TBC1D32: variants seen among roughly 807,000 people sequenced by gnomAD.
The protein encoded by TBC1D32 is protein broad-minded.
TBC1D32 carries 151 observed loss-of-function variants against 170.3 expected under a neutral mutation model. That is an observed-to-expected ratio of 0.89 (90% CI 0.78 to 1.01). TBC1D32 has a LOEUF of 1.01. Ranked by LOEUF, TBC1D32 falls within the 50% of genes least tolerant of loss-of-function variation. The pLI, the probability that TBC1D32 is intolerant of heterozygous loss-of-function variation, is 0.00. For synonymous variants in TBC1D32, 498 were observed against 488.0 expected (o/e 1.02, Z -0.27); for missense variants, 1,464 against 1,457.1 (o/e 1.00, Z -0.08).
chr6:121,211,463 C>T (rs1467701522), intron 21 of TBC1D32, among the ~76,000 whole-genome samples: 2 of 152,108 alleles, frequency 1.3e-5, no homozygotes, highest in African/African-American at 4.8e-5. Context: ...TCCCTCACCC[C>T]TCTCCTATCC....
intron 31 of TBC1D32, among the ~76,000 whole-genome samples, chr6:121,088,201 C>T (rs932217311): frequency 1.3e-5 from 2 of 151,998 alleles, no homozygotes; most frequent in Non-Finnish European, 2.9e-5. Flanking sequence ...GCTATCCTCT[C>T]GCCTTGACCT....
At chr6:121,191,755 T>G in intron 22 of TBC1D32, among the ~76,000 whole-genome samples, 1 of 152,064 alleles carries the variant, frequency 6.6e-6, no homozygotes, top group East Asian at 1.9e-4. Context: ...GGTGTGTCTG[T>G]GAGGGTGTTG....
intron 21 of TBC1D32, among the ~76,000 whole-genome samples, chr6:121,219,810 T>G (rs1181320123): frequency 3.9e-5 from 6 of 152,262 alleles, no homozygotes; most frequent in Non-Finnish European, 8.8e-5. Flanking sequence ...TCTAACAGCA[T>G]GTGTTCACTT....
At chr6:121,156,271 T>C (rs1394502463) in intron 24 of TBC1D32, among the ~76,000 whole-genome samples, 2 of 151,994 alleles carry the variant, frequency 1.3e-5, no homozygotes, top group African/African-American at 4.8e-5. Context: ...CTTATCAATA[T>C]CCTATAGACT....
intron 24 of TBC1D32, among the ~76,000 whole-genome samples, chr6:121,135,527 G>C (rs1411534169): frequency 6.6e-6 from 1 of 152,108 alleles, no homozygotes; most frequent in Non-Finnish European, 1.5e-5. Flanking sequence ...TTTCTTCCTG[G>C]AGGTTTTGCT....
chr6:121,240,972 A>G (rs535160767), intron 19 of TBC1D32, among the ~76,000 whole-genome samples: 1 of 152,258 alleles, frequency 6.6e-6, no homozygotes, highest in East Asian at 1.9e-4. Context: ...TTAACTGTCA[A>G]CTTCAAAGAT....
chr6:121,123,589 T>A (rs1780513318), intron 26 of TBC1D32, among the ~76,000 whole-genome samples: 1 of 152,098 alleles, frequency 6.6e-6, no homozygotes, highest in Admixed American at 6.6e-5. Context: ...GCATAAAATA[T>A]CTTTTTCCAT....
intron 15 of TBC1D32, among the ~76,000 whole-genome samples, chr6:121,262,661 C>T (rs1373329680): frequency 2.0e-5 from 3 of 151,852 alleles, no homozygotes; most frequent in Admixed American, 1.3e-4. Flanking sequence ...ATTTTTAGTA[C>T]AGACAGAGTT....
chr6:121,278,326 T>C (rs1017947632), intron 15 of TBC1D32, among the ~76,000 whole-genome samples: 4 of 152,054 alleles, frequency 2.6e-5, no homozygotes, highest in Non-Finnish European at 5.9e-5. Context: ...CTCATGAACA[T>C]AGAGGCAAAA....
intron 24 of TBC1D32, among the ~76,000 whole-genome samples, chr6:121,140,610 G>A (rs1782669587): frequency 6.6e-6 from 1 of 152,002 alleles, no homozygotes; most frequent in Non-Finnish European, 1.5e-5. Flanking sequence ...TGATGGAGAA[G>A]GTAGTCAAGT....
chr6:121,298,140 T>TA (rs1805933652), intron 10 of TBC1D32, among the ~76,000 whole-genome samples: 2 of 152,062 alleles, frequency 1.3e-5, no homozygotes, highest in Admixed American at 1.3e-4. Flanking sequence ...AGTTTACTTT[T>TA]AAAAAATAAA....
chr6:121,137,858 T>C (rs188415726), intron 24 of TBC1D32, among the ~76,000 whole-genome samples: 3 of 152,130 alleles, frequency 2.0e-5, no homozygotes, highest in Admixed American at 2.0e-4. Context: ...ATAATTACTT[T>C]CTAGGATGTC....
chr6:121,292,023 A>G (rs763470545), intron 12 of TBC1D32, 30 bp downstream of exon 12: 1 of 1,538,074 alleles, frequency 6.5e-7, no homozygotes, highest in Admixed American at 2.1e-5. Flanking sequence ...AGCATATCTT[A>G]ACAAATTTAT....
chr6:121,237,671 T>A (rs1366145233), intron 20 of TBC1D32, among the ~76,000 whole-genome samples: 2 of 151,898 alleles, frequency 1.3e-5, no homozygotes, highest in African/African-American at 4.8e-5. Context: ...TTCATGTAAG[T>A]TTTTTTTAAT....
At chr6:121,083,466 A>C (rs943062462) in intron 31 of TBC1D32, among the ~76,000 whole-genome samples, 1 of 152,228 alleles carries the variant, frequency 6.6e-6, no homozygotes, top group African/African-American at 2.4e-5. Flanking sequence ...AAAAGTATTA[A>C]AAATTCCCAT....
intron 22 of TBC1D32, among the ~76,000 whole-genome samples, chr6:121,177,954 ACT>A (rs924808117): frequency 6.6e-6 from 1 of 152,126 alleles, no homozygotes; most frequent in African/African-American, 2.4e-5. Flanking sequence ...CATACCCAAG[ACT>A]GGGTAATTTA....
intron 31 of TBC1D32, among the ~76,000 whole-genome samples, chr6:121,085,411 G>C (rs1448885895): frequency 6.8e-6 from 1 of 147,774 alleles, no homozygotes; most frequent in African/African-American, 2.5e-5. Context: ...CAAAGTGATA[G>C]AAACATAACA....
intron 26 of TBC1D32, among the ~76,000 whole-genome samples, chr6:121,123,949 G>A (rs1334449640): frequency 6.6e-6 from 1 of 151,012 alleles, no homozygotes; most frequent in African/African-American, 2.4e-5. Flanking sequence ...AAGATAACTT[G>A]ATTGCAAAAA....
intron 31 of TBC1D32, among the ~76,000 whole-genome samples, chr6:121,083,303 T>C (rs1403051636): frequency 6.6e-6 from 1 of 152,096 alleles, no homozygotes; most frequent in African/African-American, 2.4e-5. Flanking sequence ...GAAATTTTTT[T>C]AATAGATTAC....
Sources: allele counts gnomAD v4.1 joint callset (sites outside exome capture counted in the v4.1 genomes callset), GRCh38; gene constraint gnomAD v4.1.1; transcripts MANE v1.5; gene names NCBI Gene and HGNC (gene_info 2026-07-23, HGNC 2026-07-21).